The following SELENOF variants were observed in gnomAD, a reference collection of about 807,000 sequenced individuals.
The protein encoded by SELENOF is selenoprotein F, also known as 15 kDa selenoprotein.
A neutral mutation model predicts 20.5 loss-of-function variants in SELENOF; 16 were observed. The ratio of observed to expected loss-of-function variants is 0.78; its 90% CI spans 0.53 to 1.19. The LOEUF (loss-of-function observed/expected upper bound fraction) is 1.19, where lower values mean the gene tolerates loss of function less well. SELENOF is among the 50% of genes most tolerant of loss of function. The pLI is 0.00. For synonymous variants in SELENOF, 78 were observed against 74.5 expected, an observed-to-expected ratio of 1.05 and a Z score of -0.24; for missense variants, 215 against 194.2, an observed-to-expected ratio of 1.11 and a Z score of -0.64.
chr1:86,900,267 G>C lies in SELENOF; in HGVS notation c.252+3014C>G, dbSNP rs1188990487. Among the ~76,000 whole-genome samples, 4 of 152,164 alleles carry C rather than the reference G, an allele frequency of 2.6e-5. No homozygotes were observed. In the East Asian group the frequency reaches 7.8e-4, roughly 30 times the overall value. ...GGAGGTGGAGGTTGTAGCGAGCCGA[G>C]ATCACGCCACTGCACTCCAGCCTGG... On this transcript the variant is annotated intron_variant, in intron 2 of 4. Transcript: ENST00000331835.
At chr1:86,892,653 A>T (rs914262523) in intron 2 of SELENOF, among the ~76,000 whole-genome samples, 3 of 152,324 alleles carry the variant, frequency 2.0e-5, no homozygotes, top group Admixed American at 1.3e-4. Context: ...AGCCACGCAA[A>T]TTGAAAACAA....
At chr1:86,867,831 ACT>A (rs1449257235) in intron 4 of SELENOF, among the ~76,000 whole-genome samples, 1 of 151,436 alleles carries the variant, frequency 6.6e-6, no homozygotes, top group Non-Finnish European at 1.5e-5. Flanking sequence ...ATATGGGAAT[ACT>A]CTTTCCTTTG....
At position 86,867,998 on chromosome 1, in the gene SELENOF, A is replaced by G; in HGVS notation, c.366+55T>C. The G allele has an allele frequency of 1.5e-5, 11 of 741,890 alleles. 1 individual carries two copies. In the South Asian group the frequency reaches 1.9e-4, roughly 13 times the overall value. The allele number at this position is 741,890 out of a possible 1,614,324, so 46.0% of individuals were successfully genotyped here. A position where few individuals can be genotyped will look rare whatever the true frequency, so the allele number is the denominator to read the frequency against. On this transcript the variant is annotated intron_variant, in intron 4 of 4. Transcript: ENST00000331835. ...ATTTATTCAAATATTTACTTTAATT[A>G]TAAAATAAAGAAATTAAGGCTGGAA...
intron 2 of SELENOF, among the ~76,000 whole-genome samples, chr1:86,893,376 GGGTGGATCACGAA>G (rs1396909472): frequency 6.6e-6 from 1 of 151,676 alleles, no homozygotes; most frequent in Non-Finnish European, 1.5e-5. Flanking sequence ...AGGCCAAGGT[GGGTGGATCACGAA>G]GTCAGGAGAT....
intron 2 of SELENOF, among the ~76,000 whole-genome samples, chr1:86,902,510 T>A (rs909265717): frequency 6.6e-6 from 1 of 152,216 alleles, no homozygotes; most frequent in South Asian, 2.1e-4. Context: ...GAATTCAGCA[T>A]GTACAAGTCA....
intron 2 of SELENOF, among the ~76,000 whole-genome samples, chr1:86,895,020 T>G (rs1472704083): frequency 6.6e-6 from 1 of 152,230 alleles, no homozygotes. Flanking sequence ...ATTTGTAGTA[T>G]TTTCCTTTTT....
At chr1:86,877,287 C>T (rs1658947991) in intron 3 of SELENOF, among the ~76,000 whole-genome samples, 1 of 152,056 alleles carries the variant, frequency 6.6e-6, no homozygotes, top group African/African-American at 2.4e-5. Flanking sequence ...CATCTGTAAC[C>T]CATTTTATAA....
chr1:86,885,629 G>A (rs1330467945), intron 2 of SELENOF, among the ~76,000 whole-genome samples: 3 of 152,024 alleles, frequency 2.0e-5, no homozygotes, highest in Non-Finnish European at 2.9e-5. Context: ...CAATAACCAC[G>A]GCTCTAAAGA....
At chr1:86,888,593 C>G (rs1416591800) in intron 2 of SELENOF, among the ~76,000 whole-genome samples, 4 of 152,108 alleles carry the variant, frequency 2.6e-5, no homozygotes, top group Non-Finnish European at 5.9e-5. Flanking sequence ...AATTTCTTTG[C>G]ATCACTGCTG....
chr1:86,877,700 A>C (rs1428096060), intron 3 of SELENOF, among the ~76,000 whole-genome samples: 2 of 152,106 alleles, frequency 1.3e-5, no homozygotes, highest in African/African-American at 2.4e-5. Flanking sequence ...CTGAACGTTT[A>C]TGATTCTAAT....
At position 86,904,933 on chromosome 1, in the gene SELENOF, C is replaced by T. The variant is rs577008359; in HGVS notation, c.85-1485G>A. Among the ~76,000 whole-genome samples, 4 of 152,332 alleles carry T rather than the reference C, an allele frequency of 2.6e-5. No homozygotes were observed. The South Asian group carries it at 8.3e-4, about 32-fold the overall frequency. The stretch of plus-strand genomic sequence containing the variant: ...ATATTTATCCATGGCTTCAGATATG[C>T]ATTTATTGAAAACTCTCAAGTATTT... On this transcript the variant is annotated intron_variant, in intron 1 of 4. Transcript: ENST00000331835.
At chr1:86,877,727 G>A (rs184021460) in intron 3 of SELENOF, among the ~76,000 whole-genome samples, 9 of 152,164 alleles carry the variant, frequency 5.9e-5, no homozygotes, top group Non-Finnish European at 1.2e-4. Flanking sequence ...GTTGCCAAAC[G>A]GAGGCCCACG....
intron 2 of SELENOF, among the ~76,000 whole-genome samples, chr1:86,883,935 T>C (rs773115055): frequency 6.6e-6 from 1 of 152,224 alleles, no homozygotes; most frequent in Non-Finnish European, 1.5e-5. Context: ...TATCCTTTAA[T>C]GAGCAGGCAG....
chr1:86,906,738 T>C (rs1036617350), intron 1 of SELENOF, among the ~76,000 whole-genome samples: 3 of 152,212 alleles, frequency 2.0e-5, no homozygotes, highest in Non-Finnish European at 4.4e-5. Context: ...CAGGCCCTAG[T>C]GTTTCAACTG....
At chr1:86,899,694 C>G (rs938813374) in intron 2 of SELENOF, among the ~76,000 whole-genome samples, 1 of 151,700 alleles carries the variant, frequency 6.6e-6, no homozygotes, top group East Asian at 2.0e-4. Context: ...GGGGCTGACC[C>G]CCACCTCCCT....
intron 3 of SELENOF, among the ~76,000 whole-genome samples, chr1:86,880,184 G>A (rs903305960): frequency 2.0e-5 from 3 of 150,750 alleles, no homozygotes; most frequent in Admixed American, 2.0e-4. Context: ...CGCCCAGGCT[G>A]GAGTGCAGTG....
intron 4 of SELENOF, among the ~76,000 whole-genome samples, chr1:86,867,533 A>G (rs1658634649): frequency 6.8e-6 from 1 of 147,314 alleles, no homozygotes; most frequent in Non-Finnish European, 1.5e-5. Flanking sequence ...ACAACAAATC[A>G]GTGGTTGCCA....
intron 3 of SELENOF, among the ~76,000 whole-genome samples, chr1:86,878,477 C>T (rs1365108034): frequency 6.6e-6 from 1 of 152,062 alleles, no homozygotes; most frequent in African/African-American, 2.4e-5. Flanking sequence ...GTCAGGAGTT[C>T]GAGACCAGCC....
At chr1:86,865,023 A>C (rs1252540244) in intron 4 of SELENOF, among the ~76,000 whole-genome samples, 1 of 152,120 alleles carries the variant, frequency 6.6e-6, no homozygotes, top group East Asian at 1.9e-4. Context: ...ATTTATTAAA[A>C]AACTTATTAT....
Sources: gnomAD v4.1 joint callset for allele counts (sites outside exome capture counted in the v4.1 genomes callset) on GRCh38, gnomAD v4.1.1 for gene constraint, MANE v1.5 for transcripts, NCBI Gene and HGNC (gene_info 2026-07-23, HGNC 2026-07-21) for gene names.